The following DGKD variants were observed in gnomAD, a reference collection of about 807,000 sequenced individuals.
DGKD encodes the protein diacylglycerol kinase delta.
A neutral mutation model predicts 154.4 loss-of-function variants in DGKD; 68 were observed. The observed-to-expected ratio is 0.44, with a 90% CI of 0.36 to 0.54. DGKD has a LOEUF of 0.54. DGKD is among the 20% of genes least tolerant of loss of function. DGKD has a pLI of 0.00. For missense variants in DGKD, 1,343 were observed against 1,593.6 expected (o/e 0.84, Z 2.68); for synonymous variants, 693 against 638.0 (o/e 1.09, Z -1.30).
intron 3 of DGKD, among the ~76,000 whole-genome samples, chr2:233,422,234 G>T (rs563322631): frequency 6.6e-6 from 1 of 152,250 alleles, no homozygotes; most frequent in Non-Finnish European, 1.5e-5. Context: ...AGGAGCCTGC[G>T]ATTCTGACAT....
intron 17 of DGKD, among the ~76,000 whole-genome samples, 170 bp downstream of exon 17, chr2:233,451,220 TAAAAACA>T (rs58430759): frequency 0.13 from 19,038 of 146,046 alleles, 1,432 homozygotes; most frequent in African/African-American, 0.23. Context: ...TTTTTTTTTT[TAAAAACA>T]AAAAACAAAA....
intron 10 of DGKD, chr2:233,442,625 G>C (rs1262746103): frequency 5.8e-6 from 1 of 172,680 alleles, no homozygotes; most frequent in African/African-American, 2.4e-5. Context: ...TTGTTTTTTT[G>C]AGGTGGAGTC....
At chr2:233,365,886 A>T (rs1252398991) in intron 1 of DGKD, among the ~76,000 whole-genome samples, 1 of 152,236 alleles carries the variant, frequency 6.6e-6, no homozygotes, top group Non-Finnish European at 1.5e-5. Context: ...TTAGAGGGAA[A>T]TTTATAGCTT....
At chr2:233,390,163 A>G (rs976408091) in intron 2 of DGKD, among the ~76,000 whole-genome samples, 7 of 152,098 alleles carry the variant, frequency 4.6e-5, no homozygotes, top group African/African-American at 9.7e-5. Flanking sequence ...TGCAATGACA[A>G]TGTTTGTAGA....
rs28519590 is a variant in DGKD, at chr2:233,391,411, T to C, written c.348+928T>C. ...CTTTTGGTTTACACCTGTGTTTTTT[T>C]CCCCCCCCAGGACAATTTATAGTAG... On this transcript the variant is annotated intron_variant, in intron 3 of 29. Transcript: ENST00000264057. Among the ~76,000 whole-genome samples the C allele has an allele frequency of 7.3e-3, 1,104 of 151,630 alleles. 13 individuals carry two copies. Among genetic ancestry groups the C allele is most frequent in the African/African-American group, 0.021 (871 of 41,306 alleles).
chr2:233,435,914 A>G lies in DGKD; in HGVS notation c.683A>G (p.Asp228Gly). ...TCGATCGGGAAGGACATCATTGAAG[A>G]TGCAGATGGGGTATGTTAAGAAATA... ...LASIGKDIIE[D>G]ADGIAMPHQW... The change falls in exon 6 of 30, where the codon GAT becomes GGT. Residue 228 changes from aspartate (D) to glycine (G), a missense_variant. This residue lies in a region of DGKD where 332 missense variants were observed against 400.1 expected (regional missense o/e 0.83). Transcript: ENST00000264057. 1 of 1,609,352 alleles carries G rather than the reference A, an allele frequency of 6.2e-7. No homozygotes were observed. Among genetic ancestry groups the G allele is most frequent in the South Asian group, 1.1e-5 (1 of 90,748 alleles).
At chr2:233,374,786 C>T (rs1285618079) in intron 1 of DGKD, among the ~76,000 whole-genome samples, 1 of 151,862 alleles carries the variant, frequency 6.6e-6, no homozygotes, top group Non-Finnish European at 1.5e-5. Flanking sequence ...GGACTGCAGG[C>T]GTATGCCACC....
chr2:233,380,890 C>G (rs540178375), intron 1 of DGKD, among the ~76,000 whole-genome samples: 9 of 152,148 alleles, frequency 5.9e-5, no homozygotes, highest in East Asian at 5.8e-4. Context: ...CTCCTCCTGT[C>G]GGTGGAGGCT....
intron 1 of DGKD, chr2:233,386,331 G>A: frequency 5.3e-6 from 1 of 187,240 alleles, no homozygotes; most frequent in South Asian, 9.0e-5. Flanking sequence ...ATTGTTCTGT[G>A]CAGATGTATT....
chr2:233,425,074 T>G (rs1184447807), intron 3 of DGKD, among the ~76,000 whole-genome samples: 1 of 152,204 alleles, frequency 6.6e-6, no homozygotes, highest in Non-Finnish European at 1.5e-5. Flanking sequence ...TTCTCATTTC[T>G]CTTGGAAAAT....
At chr2:233,456,370 A>G (rs1318078974) in intron 19 of DGKD, among the ~76,000 whole-genome samples, 3 of 152,262 alleles carry the variant, frequency 2.0e-5, no homozygotes, top group Non-Finnish European at 2.9e-5. Context: ...AAAGTGGACC[A>G]AGTAGGTCGT....
intron 1 of DGKD, among the ~76,000 whole-genome samples, chr2:233,374,366 G>T (rs576719085): frequency 1.3e-4 from 18 of 141,224 alleles, no homozygotes; most frequent in Admixed American, 7.6e-4. Flanking sequence ...ACGGGGTCTC[G>T]CCCTGTCACC....
chr2:233,377,915 G>A (rs1010201015), intron 1 of DGKD, among the ~76,000 whole-genome samples: 1 of 152,120 alleles, frequency 6.6e-6, no homozygotes, highest in Non-Finnish European at 1.5e-5. Flanking sequence ...TTGGGCTCAG[G>A]TGATCCTCCC....
chr2:233,386,034 G>A (rs1484277722), intron 1 of DGKD: 1 of 467,426 alleles, frequency 2.1e-6, no homozygotes, highest in African/African-American at 2.0e-5. Flanking sequence ...GCAGTGAGTT[G>A]TGTTTTAATT....
intron 6 of DGKD, among the ~76,000 whole-genome samples, 190 bp downstream of exon 6, chr2:233,436,114 T>C (rs954831013): frequency 1.3e-5 from 2 of 152,236 alleles, no homozygotes; most frequent in Admixed American, 1.3e-4. Flanking sequence ...ATCCTGTCCC[T>C]GTGAGTCTTG....
chr2:233,445,474 T>G lies in DGKD; in HGVS notation c.1195-149T>G. On this transcript the variant is annotated intron_variant, in intron 10 of 29. Coordinates refer to ENST00000264057, the MANE Select transcript of DGKD (RefSeq NM_152879.3). This position sits in a 1 kb window ranked among gnomAD's most constrained non-coding sequence, Gnocchi z 5.5. Reference sequence around the variant, plus strand: ...GCCATCTGTCCCCTCCAGTGGGCTCTGCCTGTAATGTGTAAGCTGCGTGGT... The same window carrying G: ...GCCATCTGTCCCCTCCAGTGGGCTCGGCCTGTAATGTGTAAGCTGCGTGGT... 9.3e-7 allele frequency: 1 copy of G among 1,073,742 alleles called. No homozygotes were observed. Among genetic ancestry groups the G allele is most frequent in the Non-Finnish European group, 1.3e-6 (1 of 784,876 alleles). 66.5% of individuals were successfully genotyped at this position (1,073,742 alleles called of 1,614,324 possible).
intron 3 of DGKD, chr2:233,408,979 T>C (rs1287601970): frequency 1.3e-5 from 2 of 152,176 alleles, no homozygotes; most frequent in African/African-American, 4.8e-5. Flanking sequence ...TGTGAGGGCT[T>C]AGGGGTCGGT....
rs1336260994 is a variant in DGKD at position 233,459,672 on chromosome 2, A to C, written c.2695-85A>C. On this transcript the variant is annotated intron_variant, in intron 22 of 29. Coordinates refer to ENST00000264057, the MANE Select transcript of DGKD (RefSeq NM_152879.3). This position sits in a 1 kb window ranked among gnomAD's most constrained non-coding sequence, Gnocchi z 5.7. ...CAAGGCAGGGACGGGTGTGTGGAGC[A>C]GGAAGGTCATGGTGGTGCTGATAGC... 6.5e-7 allele frequency: 1 copy of C among 1,534,748 alleles called. No homozygotes were observed. The highest frequency in any genetic ancestry group is 8.8e-7 in the Non-Finnish European group (1 of 1,136,506).
At chr2:233,377,477 A>G (rs1288289601) in intron 1 of DGKD, among the ~76,000 whole-genome samples, 1 of 152,036 alleles carries the variant, frequency 6.6e-6, no homozygotes, top group Non-Finnish European at 1.5e-5. Context: ...TATCTTCCAC[A>G]ATCCTTGTAT....
Sources: gnomAD v4.1 joint callset for allele counts (sites outside exome capture counted in the v4.1 genomes callset) on GRCh38, gnomAD v4.1.1 for gene constraint, gnomAD v4.1.1 regional missense constraint, Gnocchi (gnomAD v3.1) non-coding constraint, MANE v1.5 for transcripts, NCBI Gene and HGNC (gene_info 2026-07-23, HGNC 2026-07-21) for gene names.